ATG5: variants seen among roughly 807,000 people sequenced by gnomAD.
ATG5 encodes autophagy protein 5.
ATG5 carries 14 observed loss-of-function variants against 36.5 expected under a neutral mutation model. The observed-to-expected ratio is 0.38, with a 90% CI of 0.25 to 0.60. The LOEUF (loss-of-function observed/expected upper bound fraction) is 0.60, where lower values mean the gene tolerates loss of function less well. ATG5 is among the 20% of genes least tolerant of loss of function. The probability of loss-of-function intolerance (pLI) is 0.60; values close to 1 mark genes in which losing one functional copy is unlikely to be tolerated. For missense variants in ATG5, 195 were observed against 326.7 expected, an observed-to-expected ratio of 0.60 and a Z score of 3.11; for synonymous variants, 95 against 101.5, an observed-to-expected ratio of 0.94 and a Z score of 0.38.
intron 6 of ATG5, among the ~76,000 whole-genome samples, chr6:106,221,900 A>G (rs959046048): frequency 6.6e-6 from 1 of 150,760 alleles, no homozygotes; most frequent in Non-Finnish European, 1.5e-5. Flanking sequence ...TCTTATTATT[A>G]TTTTTTTTTG....
intron 5 of ATG5, among the ~76,000 whole-genome samples, chr6:106,259,669 T>C (rs1052832254): frequency 3.9e-5 from 6 of 152,156 alleles, no homozygotes; most frequent in Non-Finnish European, 8.8e-5. Flanking sequence ...TTTTCATCTT[T>C]CAAAAAATAT....
chr6:106,236,636 T>C (rs1040281664), intron 6 of ATG5, among the ~76,000 whole-genome samples: 2 of 152,358 alleles, frequency 1.3e-5, no homozygotes, highest in South Asian at 2.1e-4. Context: ...CCTATATCTT[T>C]TGTGAAATAG....
chr6:106,257,895 C>A (rs1050774203), intron 5 of ATG5, among the ~76,000 whole-genome samples: 6 of 152,102 alleles, frequency 3.9e-5, no homozygotes, highest in African/African-American at 1.4e-4. Flanking sequence ...TTTTGTAGGA[C>A]CTGTGTAGAG....
intron 5 of ATG5, among the ~76,000 whole-genome samples, chr6:106,275,880 A>T (rs1779624009): frequency 6.6e-6 from 1 of 152,342 alleles, no homozygotes; most frequent in East Asian, 1.9e-4. Context: ...TGTGGGCCAC[A>T]TAGTCTCCTC....
chr6:106,206,275 G>A (rs1450412481), intron 6 of ATG5, among the ~76,000 whole-genome samples: 2 of 151,944 alleles, frequency 1.3e-5, no homozygotes, highest in Non-Finnish European at 2.9e-5. Context: ...GGGTGGGGGC[G>A]CAGCAACCAG....
chr6:106,237,548 G>T (rs1234562800), intron 6 of ATG5, among the ~76,000 whole-genome samples: 1 of 152,120 alleles, frequency 6.6e-6, no homozygotes, highest in Non-Finnish European at 1.5e-5. Context: ...CTACCCCACA[G>T]AAGTGTTATG....
At chr6:106,208,620 A>G (rs1776731330) in intron 6 of ATG5, among the ~76,000 whole-genome samples, 1 of 152,218 alleles carries the variant, frequency 6.6e-6, no homozygotes, top group African/African-American at 2.4e-5. Flanking sequence ...ACTTAACACT[A>G]AAGGCATGAC....
chr6:106,207,694 C>T (rs766945180), intron 6 of ATG5, among the ~76,000 whole-genome samples: 1 of 152,102 alleles, frequency 6.6e-6, no homozygotes, highest in Non-Finnish European at 1.5e-5. Context: ...AATGTATGGA[C>T]TTTAAGAGTA....
intron 6 of ATG5, among the ~76,000 whole-genome samples, chr6:106,228,282 G>A (rs1489333301): frequency 2.0e-5 from 3 of 152,218 alleles, no homozygotes; most frequent in South Asian, 2.1e-4. Context: ...TGCCGCCATC[G>A]CAGGCCTGCC....
chr6:106,237,890 G>C (rs979468798), intron 6 of ATG5, among the ~76,000 whole-genome samples: 5 of 152,168 alleles, frequency 3.3e-5, no homozygotes, highest in Non-Finnish European at 7.4e-5. Context: ...GCACAGTACA[G>C]AGCCTTAGCT....
At chr6:106,243,532 A>C (rs1169416918) in intron 6 of ATG5, among the ~76,000 whole-genome samples, 2 of 100,862 alleles carry the variant, frequency 2.0e-5, no homozygotes, top group Non-Finnish European at 4.1e-5. Context: ...TCTCTGGGGA[A>C]AAAAAAAAAA....
chr6:106,241,063 G>C (rs1341898311), intron 6 of ATG5, among the ~76,000 whole-genome samples: 1 of 152,212 alleles, frequency 6.6e-6, no homozygotes, highest in Non-Finnish European at 1.5e-5. Context: ...TGAGGCAGGA[G>C]AATCACTTGA....
chr6:106,211,350 G>C (rs1291518081), intron 6 of ATG5, among the ~76,000 whole-genome samples: 1 of 152,174 alleles, frequency 6.6e-6, no homozygotes, highest in African/African-American at 2.4e-5. Context: ...TGGAGGTGCT[G>C]GGGGAGTCTC....
intron 5 of ATG5, among the ~76,000 whole-genome samples, chr6:106,248,693 T>C (rs994439142): frequency 7.2e-5 from 11 of 152,148 alleles, no homozygotes; most frequent in African/African-American, 7.2e-5. Flanking sequence ...CACAGCACTT[T>C]AGGAGGAGGC....
chr6:106,223,831 A>C (rs963446147), intron 6 of ATG5, among the ~76,000 whole-genome samples: 3 of 152,228 alleles, frequency 2.0e-5, no homozygotes, highest in Admixed American at 6.5e-5. Context: ...CTAAGATCCA[A>C]GTTCTACTGT....
At chr6:106,231,216 C>T (rs1263198553) in intron 6 of ATG5, among the ~76,000 whole-genome samples, 1 of 152,164 alleles carries the variant, frequency 6.6e-6, no homozygotes, top group African/African-American at 2.4e-5. Context: ...TCTCAGATAA[C>T]CCTAATGGCT....
Position 106,214,397 on chromosome 6 carries a change from A to G in ATG5, c.574-12308T>C, listed in dbSNP as rs78489139. On this transcript the variant is annotated intron_variant, in intron 6 of 7. Coordinates refer to ENST00000369076, the MANE Select transcript of ATG5 (RefSeq NM_004849.4). ...TAGAGAAATAGGAGAGTTGAAAATA[A>G]GCACTTTCTGTACTTATGTTGAGAG... Among the ~76,000 whole-genome samples the G allele has an allele frequency of 1.4e-4, 21 of 152,166 alleles. No individual in the cohort carries two copies. In the East Asian group the frequency reaches 3.9e-3, roughly 28 times the overall value.
chr6:106,298,599 T>C (rs1379301488), intron 3 of ATG5, among the ~76,000 whole-genome samples: 2 of 151,996 alleles, frequency 1.3e-5, no homozygotes, highest in Non-Finnish European at 2.9e-5. Context: ...CTAAATATTA[T>C]AAAAATGAAT....
chr6:106,275,428 T>C (rs895439963), intron 5 of ATG5, among the ~76,000 whole-genome samples: 2 of 152,204 alleles, frequency 1.3e-5, no homozygotes, highest in Non-Finnish European at 2.9e-5. Context: ...CTTAGAAGTA[T>C]GTTAGCTCAA....
Sources: gnomAD v4.1 joint callset for allele counts (sites outside exome capture counted in the v4.1 genomes callset) on GRCh38, gnomAD v4.1.1 for gene constraint, MANE v1.5 for transcripts, NCBI Gene and HGNC (gene_info 2026-07-23, HGNC 2026-07-21) for gene names.